Variants in ARFIP2 observed in about 807,000 individuals in gnomAD.
The protein encoded by ARFIP2 is ARF interacting protein 2.
ARFIP2 carries 14 observed loss-of-function variants against 39.2 expected under a neutral mutation model. The observed-to-expected ratio is 0.36, with a 90% confidence interval of 0.24 to 0.56. ARFIP2 has a LOEUF of 0.56. Among genes scored for constraint, ARFIP2 ranks in the 20% least tolerant of loss-of-function variants. The pLI, the probability that ARFIP2 is intolerant of heterozygous loss-of-function variation, is 0.85. For missense variants in ARFIP2, 305 were observed against 422.5 expected (o/e 0.72, Z 2.44); for synonymous variants, 167 against 172.4 (o/e 0.97, Z 0.24).
chr11:6,479,068 T>G, intron 4 of ARFIP2, 72 bp downstream of exon 4: 1 of 1,585,966 alleles, frequency 6.3e-7, no homozygotes, highest in South Asian at 1.1e-5. Flanking sequence ...GATGGGATAT[T>G]ACGATCACGA....
rs1851309422 is a variant in ARFIP2, at chr11:6,478,257, A to G, written c.538-59T>C. 1 of 1,592,544 alleles carries G rather than the reference A, an allele frequency of 6.3e-7. No individual in the cohort carries two copies. The highest frequency in any genetic ancestry group is 1.3e-5 in the African/African-American group (1 of 74,538). The stretch of plus-strand genomic sequence containing the variant: ...ACACTCCCTACCTGACTGAAGCTGT[A>G]GAGCCCTTCATTCCCCTCCTCCCCG... On this transcript the variant is annotated intron_variant, in intron 5 of 7. Transcript: ENST00000396777. The surrounding 1 kb of genome is among the most constrained non-coding windows in gnomAD (Gnocchi z 4.8).
rs1311668433 is a variant in ARFIP2, at chr11:6,476,744, C to T, written c.*369G>A. ...GCAACATCATTGGCCCAGGGGAGTC[C>T]GAGAAGAGCTGCCATTGGCTGACAG... is the stretch of plus-strand genomic sequence containing the variant. On this transcript the variant is annotated 3_prime_UTR_variant, in exon 8 of 8. Transcript: ENST00000396777. 7 of 228,094 alleles carry T rather than the reference C, an allele frequency of 3.1e-5. No homozygotes were observed. The highest frequency in any genetic ancestry group is 7.2e-5 in the South Asian group (1 of 13,928). 14.1% of individuals were successfully genotyped at this position (228,094 alleles called of 1,614,324 possible).
Position 6,477,563 on chromosome 11 carries a change from G to T in ARFIP2, c.870+155C>A, listed in dbSNP as rs190519586. Among the ~76,000 whole-genome samples, 1 of 152,126 alleles carries T rather than the reference G, an allele frequency of 6.6e-6. No individual in the cohort carries two copies. Among genetic ancestry groups the T allele is most frequent in the Non-Finnish European group, 1.5e-5 (1 of 68,018 alleles). On this transcript the variant is annotated intron_variant, in intron 7 of 7. Transcript: ENST00000396777. The surrounding 1 kb of genome is among the most constrained non-coding windows in gnomAD (Gnocchi z 4.8). ...AACAGGAAAGGGCCAGGAATTGGAG[G>T]GAGGGTGATCTGGAAAGGCCCAGGG...
In ARFIP2 at chr11:6,476,954, A is replaced by G; in HGVS notation, c.*159T>C. On this transcript the variant is annotated 3_prime_UTR_variant, in exon 8 of 8. Transcript: ENST00000396777. ...TTCTGGGCCTCCAGGCCCTCTTCCC[A>G]CCATAGCAATGTGGGCAAAACTGGT... The G allele has an allele frequency of 1.2e-6, 1 of 812,640 alleles. No homozygotes were observed. The highest frequency in any genetic ancestry group is 1.9e-5 in the South Asian group (1 of 51,500). 50.3% of individuals were successfully genotyped at this position (812,640 alleles called of 1,614,324 possible). A position where few individuals can be genotyped will look rare whatever the true frequency, so the allele number is the denominator to read the frequency against.
Position 6,477,842 on chromosome 11 carries a change from G to C in ARFIP2, c.746C>G (p.Pro249Arg), listed in dbSNP as rs753822919. Reference sequence around the variant, plus strand: ...TCGACCACGTGTCCCTGCATCCCGGGGGCCTAGACTCAGCTCCTCTAAGTC... The same window carrying C: ...TCGACCACGTGTCCCTGCATCCCGGCGGCCTAGACTCAGCTCCTCTAAGTC... ...RTDLEELSLG[P>R]RDAGTRGRLE... Residue 249 changes from proline to arginine, a missense_variant, in exon 7 of 8, where the codon CCC becomes CGC. Coordinates refer to ENST00000396777, the MANE Select transcript of ARFIP2 (RefSeq NM_001376558.2). This position sits in a 1 kb window ranked among gnomAD's most constrained non-coding sequence, Gnocchi z 4.8. 7 of 1,613,842 alleles carry C rather than the reference G, an allele frequency of 4.3e-6. No homozygotes were observed. In the African/African-American group the frequency reaches 9.4e-5, roughly 22 times the overall value.
chr11:6,477,244 G>A lies in ARFIP2; in HGVS notation c.895C>T (p.Leu299=). 1 of 1,613,520 alleles carries A rather than the reference G, an allele frequency of 6.2e-7. No individual in the cohort carries two copies. The highest frequency in any genetic ancestry group is 8.5e-7 in the Non-Finnish European group (1 of 1,179,806). Residue 299 remains leucine (L), a synonymous_variant, in exon 8 of 8, where the codon CTG becomes TTG. Transcript: ENST00000396777. This position sits in a 1 kb window ranked among gnomAD's most constrained non-coding sequence, Gnocchi z 4.8. The stretch of plus-strand genomic sequence containing the variant: ...GCGGACACAGCATTGTGGAAGAGCA[G>A]CAGCTGCTTGTGCATCACCTTGATC... ...NKIKVMHKQL[L]LFHNAVSAYF...
At position 6,477,613 on chromosome 11, in the gene ARFIP2, C is replaced by T. The variant is rs941035868; in HGVS notation, c.870+105G>A. The T allele has an allele frequency of 8.2e-6, 11 of 1,340,738 alleles. No individual in the cohort carries two copies. The highest frequency in any genetic ancestry group is 2.1e-5 in the Admixed American group (1 of 47,856). The allele number at this position is 1,340,738 out of a possible 1,614,324, so 83.1% of individuals were successfully genotyped here. On this transcript the variant is annotated intron_variant, in intron 7 of 7. Coordinates refer to ENST00000396777, the MANE Select transcript of ARFIP2 (RefSeq NM_001376558.2). The surrounding 1 kb of genome is among the most constrained non-coding windows in gnomAD (Gnocchi z 4.8). Reference sequence around the variant, plus strand: ...GGTTGAGGGGGTGAACACTCTACTCCCCAGCTAGGCTGCATTTCCTCATTC... The same window carrying T: ...GGTTGAGGGGGTGAACACTCTACTCTCCAGCTAGGCTGCATTTCCTCATTC...
chr11:6,478,484 G>C lies in ARFIP2; in HGVS notation c.537+254C>G. The C allele has an allele frequency of 8.1e-7, 1 of 1,236,894 alleles. No homozygotes were observed. The highest frequency in any genetic ancestry group is 1.1e-6 in the Non-Finnish European group (1 of 919,300). 76.6% of individuals were successfully genotyped at this position (1,236,894 alleles called of 1,614,324 possible). A position where few individuals can be genotyped will look rare whatever the true frequency, so the allele number is the denominator to read the frequency against. On this transcript the variant is annotated intron_variant, in intron 5 of 7. Transcript: ENST00000396777. The surrounding 1 kb of genome is among the most constrained non-coding windows in gnomAD (Gnocchi z 4.8). ...GAGGGGCTCTGATTAGGCTGAGCAC[G>C]AAGGCATTCTCCCCAGTGCAGAGAG...
rs1431895979 is a variant in ARFIP2 at position 6,478,290 on chromosome 11, C to T, written c.538-92G>A. 1 of 1,441,022 alleles carries T rather than the reference C, an allele frequency of 6.9e-7. No individual in the cohort carries two copies. Among genetic ancestry groups the T allele is most frequent in the Non-Finnish European group, 9.6e-7 (1 of 1,046,794 alleles). 89.3% of individuals were successfully genotyped at this position (1,441,022 alleles called of 1,614,324 possible). A position where few individuals can be genotyped will look rare whatever the true frequency, so the allele number is the denominator to read the frequency against. ...TCATTCCCCTCCTCCCCGGGGAGGA[C>T]ACAGCCAGCAAAACTGGAACAACCA... On this transcript the variant is annotated intron_variant, in intron 5 of 7. Coordinates refer to ENST00000396777, the MANE Select transcript of ARFIP2 (RefSeq NM_001376558.2). This position sits in a 1 kb window ranked among gnomAD's most constrained non-coding sequence, Gnocchi z 4.8.
At chr11:6,480,691 G>C (rs1385668193) in intron 1 of ARFIP2, 1 of 377,688 alleles carries the variant, frequency 2.6e-6, no homozygotes, top group Non-Finnish European at 4.8e-6. Context: ...GGACTCTGGT[G>C]ATTATTTCTA....
chr11:6,478,626 C>T lies in ARFIP2; in HGVS notation c.537+112G>A. The T allele has an allele frequency of 2.0e-6, 3 of 1,497,006 alleles. No individual in the cohort carries two copies. The highest frequency in any genetic ancestry group is 4.9e-5 in the East Asian group (2 of 40,414). 92.7% of individuals were successfully genotyped at this position (1,497,006 alleles called of 1,614,324 possible). Reference sequence around the variant, plus strand: ...AGTGCTGCTGGGGGTAGGGCTGGGCCCACCCTGAAGGGGTTCTCCCTGTGG... The same window carrying T: ...AGTGCTGCTGGGGGTAGGGCTGGGCTCACCCTGAAGGGGTTCTCCCTGTGG... On this transcript the variant is annotated intron_variant, in intron 5 of 7. Transcript: ENST00000396777. The surrounding 1 kb of genome is among the most constrained non-coding windows in gnomAD (Gnocchi z 4.8).
chr11:6,480,284 T>G, intron 2 of ARFIP2, 39 bp downstream of exon 2: 2 of 1,586,794 alleles, frequency 1.3e-6, no homozygotes, highest in Non-Finnish European at 1.7e-6. Flanking sequence ...TAAATTGGAT[T>G]CCTAAATTGA....
At chr11:6,480,666 C>G in intron 1 of ARFIP2, 1 of 438,908 alleles carries the variant, frequency 2.3e-6, no homozygotes, top group East Asian at 4.2e-5. Flanking sequence ...TTCTCACAAG[C>G]CCCCAACCTC....
rs1851117730 is a variant in ARFIP2 at position 6,476,818 on chromosome 11, G to A, written c.*295C>T. 5.7e-6 allele frequency: 2 copies of A among 351,754 alleles called. No homozygotes were observed. Among genetic ancestry groups the A allele is most frequent in the Admixed American group, 4.4e-5 (1 of 22,820 alleles). 21.8% of individuals were successfully genotyped at this position (351,754 alleles called of 1,614,324 possible). ...GTCAGGGAGCACACCCCAGCCTGAA[G>A]AGTGATGCCATTGGCCAGGGAGTGG... is the stretch of plus-strand genomic sequence containing the variant. On this transcript the variant is annotated 3_prime_UTR_variant, in exon 8 of 8. Coordinates refer to ENST00000396777, the MANE Select transcript of ARFIP2 (RefSeq NM_001376558.2).
At position 6,480,453 on chromosome 11, in the gene ARFIP2, A is replaced by G. The variant is rs759836989; in HGVS notation, c.-32T>C. ...GAAAGGTATTGGAGTAAAACTCTCCACCCCAGCACCCTGCAAAGCCCAACA... is the reference window on the plus strand; with the variant it reads ...GAAAGGTATTGGAGTAAAACTCTCCGCCCCAGCACCCTGCAAAGCCCAACA... On this transcript the variant is annotated 5_prime_UTR_variant, in exon 2 of 8. Transcript: ENST00000396777. 6.5e-7 allele frequency: 1 copy of G among 1,535,482 alleles called. No homozygotes were observed. Among genetic ancestry groups the G allele is most frequent in the South Asian group, 1.2e-5 (1 of 82,338 alleles).
intron 3 of ARFIP2, 91 bp from the exon 4 acceptor site, chr11:6,479,349 T>C (rs538083961): frequency 1.2e-6 from 2 of 1,607,682 alleles, no homozygotes; most frequent in East Asian, 4.5e-5. Context: ...GCACATGAAA[T>C]TGACTTCCCT....
chr11:6,478,316 A>G lies in ARFIP2; in HGVS notation c.538-118T>C, dbSNP rs1851319688. The G allele has an allele frequency of 7.8e-7, 1 of 1,289,824 alleles. No individual in the cohort carries two copies. The highest frequency in any genetic ancestry group is 1.1e-6 in the Non-Finnish European group (1 of 921,892). The allele number at this position is 1,289,824 out of a possible 1,614,324, so 79.9% of individuals were successfully genotyped here. A position where few individuals can be genotyped will look rare whatever the true frequency, so the allele number is the denominator to read the frequency against. ...ACAGCCAGCAAAACTGGAACAACCA[A>G]GGACTGCCTCCAGCAAGGCTCTCTT... On this transcript the variant is annotated intron_variant, in intron 5 of 7. Coordinates refer to ENST00000396777, the MANE Select transcript of ARFIP2 (RefSeq NM_001376558.2). This position sits in a 1 kb window ranked among gnomAD's most constrained non-coding sequence, Gnocchi z 4.8.
chr11:6,477,821 C>T lies in ARFIP2; in HGVS notation c.767G>A (p.Gly256Asp), dbSNP rs868803889. 5.6e-6 allele frequency: 9 copies of T among 1,614,028 alleles called. No individual in the cohort carries two copies. The Middle Eastern group carries it at 1.2e-3, about 207-fold the overall frequency. Reference sequence around the variant, plus strand: ...AGTGGCCTGGGCACTCTCAAGTCGACCACGTGTCCCTGCATCCCGGGGGCC... The same window carrying T: ...AGTGGCCTGGGCACTCTCAAGTCGATCACGTGTCCCTGCATCCCGGGGGCC... The part of the protein sequence containing the change: ...SLGPRDAGTR[G>D]RLESAQATFQ... Residue 256 changes from glycine to aspartate, a missense_variant, in exon 7 of 8, where the codon GGT becomes GAT. Physicochemically the swap from Gly to Asp is moderately conservative, Grantham distance 94. This residue lies in a region of ARFIP2 where 112 missense variants were observed against 118.2 expected (regional missense o/e 0.95). Coordinates refer to ENST00000396777, the MANE Select transcript of ARFIP2 (RefSeq NM_001376558.2). The surrounding 1 kb of genome is among the most constrained non-coding windows in gnomAD (Gnocchi z 4.8).
rs755060844 is a variant in ARFIP2, at chr11:6,479,136, C to A, written c.315+4G>T. The A allele has an allele frequency of 1.2e-6, 2 of 1,613,882 alleles. No individual in the cohort carries two copies. The highest frequency in any genetic ancestry group is 4.5e-5 in the East Asian group (2 of 44,882). On this transcript the variant is annotated splice_donor_region_variant and intron_variant, in intron 4 of 7. Transcript: ENST00000396777. ...TGGGGAAGGGAGAGGTGCTTAAATC[C>A]TACCTTATAGGTGTTGATGCCCCAT...
Sources: allele counts gnomAD v4.1 joint callset (sites outside exome capture counted in the v4.1 genomes callset), GRCh38; gene constraint gnomAD v4.1.1; regional missense constraint gnomAD v4.1.1; non-coding constraint Gnocchi (gnomAD v3.1); transcripts MANE v1.5; gene names NCBI Gene and HGNC (gene_info 2026-07-23, HGNC 2026-07-21).